Variants in CHIC1 observed in about 807,000 individuals in gnomAD.
CHIC1 encodes cysteine rich hydrophobic domain 1.
CHIC1 carries 7 observed loss-of-function variants against 18.5 expected under a neutral mutation model. That is an observed-to-expected ratio of 0.38 (90% CI 0.22 to 0.71). The LOEUF is 0.71. Ranked by LOEUF, CHIC1 falls within the 30% of genes least tolerant of loss-of-function variation. The probability of loss-of-function intolerance (pLI) is 0.49; values close to 1 mark genes in which losing one functional copy is unlikely to be tolerated. For synonymous variants in CHIC1, 77 were observed against 73.5 expected, an observed-to-expected ratio of 1.05 and a Z score of -0.25; for missense variants, 159 against 176.9, an observed-to-expected ratio of 0.90 and a Z score of 0.57.
chrX:73,650,037 C>G (rs1954248176), intron 3 of CHIC1, among the ~76,000 whole-genome samples: 2 of 112,236 alleles, frequency 1.8e-5, no homozygotes, highest in Non-Finnish European at 3.8e-5. Flanking sequence ...GAAACTCACT[C>G]AAAAACCACA....
chrX:73,675,927 G>A (rs1241144026), intron 3 of CHIC1, among the ~76,000 whole-genome samples: 1 of 110,150 alleles, frequency 9.1e-6, no homozygotes, highest in Non-Finnish European at 1.9e-5. Flanking sequence ...GGCAGGCCTG[G>A]TGGTGACAAA....
chrX:73,676,857 G>T (rs183129299), intron 3 of CHIC1, among the ~76,000 whole-genome samples: 1 of 111,365 alleles, frequency 9.0e-6, no homozygotes, highest in African/African-American at 3.3e-5. Flanking sequence ...TCCCGTCTTT[G>T]TGGTTTTATC....
chrX:73,585,878 C>T (rs1434804536), intron 3 of CHIC1, among the ~76,000 whole-genome samples: 1 of 110,581 alleles, frequency 9.0e-6, no homozygotes, highest in Non-Finnish European at 1.9e-5. Flanking sequence ...TCAATGGAAA[C>T]TAAGATAATA....
intron 3 of CHIC1, among the ~76,000 whole-genome samples, chrX:73,652,340 A>G (rs1337318218): frequency 3.6e-5 from 4 of 112,417 alleles, no homozygotes; most frequent in East Asian, 2.8e-4. Flanking sequence ...AGACTTCATG[A>G]CATAAACACC....
intron 3 of CHIC1, among the ~76,000 whole-genome samples, chrX:73,676,254 A>G (rs1181907739): frequency 9.0e-6 from 1 of 110,935 alleles, no homozygotes; most frequent in Non-Finnish European, 1.9e-5. Flanking sequence ...CATTCTCTGT[A>G]TTTCCTGAAT....
chrX:73,646,758 T>A lies in CHIC1; in HGVS notation c.508-32568T>A, dbSNP rs761370491. Among the ~76,000 whole-genome samples the A allele has an allele frequency of 1.7e-3, 192 of 112,356 alleles. 3 individuals carry two copies. Among genetic ancestry groups the A allele is most frequent in the Admixed American group, 5.2e-3 (55 of 10,616 alleles). ...CAGGTTTTCTATTTATAGGATAAGG[T>A]CATAAGCAAACAGAGACAATTTCAC... is the stretch of plus-strand genomic sequence containing the variant. On this transcript the variant is annotated intron_variant, in intron 3 of 5. Coordinates refer to ENST00000373502, the MANE Select transcript of CHIC1 (RefSeq NM_001039840.4).
At chrX:73,581,110 T>A (rs1263948861) in intron 2 of CHIC1, among the ~76,000 whole-genome samples, 1 of 110,669 alleles carries the variant, frequency 9.0e-6, no homozygotes, top group African/African-American at 3.3e-5. Flanking sequence ...ATGGGGAGAC[T>A]AGTGTGCAGT....
At chrX:73,575,041 G>A (rs892641580) in intron 1 of CHIC1, among the ~76,000 whole-genome samples, 9 of 109,786 alleles carry the variant, frequency 8.2e-5, no homozygotes, top group Non-Finnish European at 1.5e-4. Context: ...AACCAAGTGC[G>A]ATAAATCAGT....
At position 73,577,456 on chromosome X, in the gene CHIC1, GGGA is replaced by G; in HGVS notation, c.347_349del (p.Gly116_Lys117delinsGlu). 1 of 1,188,668 alleles carries G rather than the reference GGGA, an allele frequency of 8.4e-7. No individual in the cohort carries two copies. The highest frequency in any genetic ancestry group is 1.1e-6 in the Non-Finnish European group (1 of 876,185). Reference sequence around the variant, plus strand: ...TACTGAATTTCCCTCCGTTCTAACAGGGAAGGTAAGTGAGAATTTGCTTTGAAC... The same window carrying G: ...TACTGAATTTCCCTCCGTTCTAACAGAGGTAAGTGAGAATTTGCTTTGAAC... On this transcript the variant is annotated inframe_deletion and splice_region_variant, in exon 2 of 6. Transcript: ENST00000373502.
intron 3 of CHIC1, among the ~76,000 whole-genome samples, chrX:73,632,378 G>A (rs978461675): frequency 2.7e-5 from 3 of 111,709 alleles, no homozygotes; most frequent in Non-Finnish European, 5.6e-5. Flanking sequence ...GCATATAATA[G>A]GGTGTTGTTT....
intron 3 of CHIC1, among the ~76,000 whole-genome samples, chrX:73,658,248 GTTTTTT>G (rs869309622): frequency 6.0e-5 from 1 of 16,710 alleles, no homozygotes; most frequent in African/African-American, 2.3e-4. Flanking sequence ...CTGGTCCTAG[GTTTTTT>G]TTTTTTTTTT....
intron 2 of CHIC1, among the ~76,000 whole-genome samples, chrX:73,579,762 C>T (rs1051539445): frequency 1.8e-5 from 2 of 110,157 alleles, no homozygotes; most frequent in African/African-American, 3.3e-5. Context: ...CCAATTGAAG[C>T]GGCAGCCTAT....
Position 73,682,978 on chromosome X carries a change from A to C in CHIC1, c.*1973A>C, listed in dbSNP as rs767662449. 27 of 111,514 alleles carry C rather than the reference A, an allele frequency of 2.4e-4. No individual in the cohort carries two copies. Among genetic ancestry groups the C allele is most frequent in the Non-Finnish European group, 4.5e-4 (24 of 52,845 alleles). 9.2% of individuals were successfully genotyped at this position (111,514 alleles called of 1,213,427 possible). ...AAAATATCTCATTTTCACTGATAGA[A>C]AATTGCTTTTAAGTGTTGATCCTTA... On this transcript the variant is annotated 3_prime_UTR_variant, in exon 6 of 6. Transcript: ENST00000373502.
In CHIC1 at chrX:73,681,643, A is replaced by C. The variant is rs1394811115; in HGVS notation, c.*638A>C. The C allele has an allele frequency of 1.8e-5, 2 of 112,215 alleles. No homozygotes were observed. Among genetic ancestry groups the C allele is most frequent in the Non-Finnish European group, 3.8e-5 (2 of 52,906 alleles). 9.2% of individuals were successfully genotyped at this position (112,215 alleles called of 1,213,427 possible). A position where few individuals can be genotyped will look rare whatever the true frequency, so the allele number is the denominator to read the frequency against. On this transcript the variant is annotated 3_prime_UTR_variant, in exon 6 of 6. Transcript: ENST00000373502. ...ACATTACTCTTATTGTATTGCCAACAATTTTACATAGATTTTAATATGAAT... is the reference window on the plus strand; with the variant it reads ...ACATTACTCTTATTGTATTGCCAACCATTTTACATAGATTTTAATATGAAT...
intron 3 of CHIC1, among the ~76,000 whole-genome samples, chrX:73,616,368 C>A (rs1303112781): frequency 9.0e-6 from 1 of 111,637 alleles, no homozygotes; most frequent in East Asian, 2.8e-4. Flanking sequence ...GTTGCTTTCA[C>A]AGGCTGGCGT....
intron 1 of CHIC1, 22 bp downstream of exon 1, chrX:73,563,602 G>A (rs775570890): frequency 1.9e-6 from 2 of 1,046,048 alleles, no homozygotes; most frequent in African/African-American, 3.9e-5. Flanking sequence ...GGGGTCTTGG[G>A]ACTTGAAATG....
At chrX:73,602,926 G>A (rs1389393494) in intron 3 of CHIC1, among the ~76,000 whole-genome samples, 1 of 108,941 alleles carries the variant, frequency 9.2e-6, no homozygotes. Flanking sequence ...TAGCCTTGTA[G>A]TATAATTCGA....
chrX:73,569,043 G>T, intron 1 of CHIC1, among the ~76,000 whole-genome samples: 1 of 111,538 alleles, frequency 9.0e-6, no homozygotes, highest in South Asian at 3.7e-4. Flanking sequence ...TTTCCCATAT[G>T]AAATATTAAA....
chrX:73,566,358 G>C (rs1355727305), intron 1 of CHIC1, among the ~76,000 whole-genome samples: 1 of 109,612 alleles, frequency 9.1e-6, no homozygotes, highest in Non-Finnish European at 1.9e-5. Flanking sequence ...AATTAGCTCT[G>C]AGTTTCTGTG....
Sources: allele counts gnomAD v4.1 joint callset (sites outside exome capture counted in the v4.1 genomes callset), GRCh38; gene constraint gnomAD v4.1.1; transcripts MANE v1.5; gene names NCBI Gene and HGNC (gene_info 2026-07-23, HGNC 2026-07-21).